PPARGC1A: variants seen among roughly 807,000 people sequenced by gnomAD.
PPARGC1A encodes PPARG coactivator 1 alpha.
In PPARGC1A, 25 loss-of-function variants were observed where a neutral mutation model predicts 88.7. The observed-to-expected ratio is 0.28, with a 90% confidence interval of 0.21 to 0.39. The LOEUF is 0.39. PPARGC1A is among the 10% of genes least tolerant of loss of function. The pLI, the probability that PPARGC1A is intolerant of heterozygous loss-of-function variation, is 1.00. For missense variants in PPARGC1A, 880 were observed against 968.7 expected (o/e 0.91, Z 1.22); for synonymous variants, 363 against 355.6 (o/e 1.02, Z -0.24).
At chr4:24,451,568 TTTGTTG>T in the PPARGC1A span, among the ~76,000 whole-genome samples, 4 of 151,974 alleles carry the variant, frequency 2.6e-5, no homozygotes, top group East Asian at 1.9e-4. Context: ...TGGGTTGTCT[TTTGTTG>T]TTGTTGTTGT....
the PPARGC1A span, among the ~76,000 whole-genome samples, chr4:24,134,473 C>T: frequency 6.6e-5 from 10 of 152,350 alleles, no homozygotes; most frequent in Admixed American, 3.3e-4. Context: ...AATATGTTTG[C>T]GTGTTCGCAA....
chr4:23,813,288 A>T (rs1488357394), intron 8 of PPARGC1A, among the ~76,000 whole-genome samples, 163 bp from the exon 9 acceptor site: 1 of 152,190 alleles, frequency 6.6e-6, no homozygotes, highest in Non-Finnish European at 1.5e-5. Flanking sequence ...CATCTAGTCA[A>T]CTTAGAGGGC....
At chr4:24,319,655 T>C in the PPARGC1A span, among the ~76,000 whole-genome samples, 1 of 152,190 alleles carries the variant, frequency 6.6e-6, no homozygotes, top group Admixed American at 6.5e-5. Flanking sequence ...CCAAGTAGCT[T>C]AGTGAGCTTT....
At chr4:24,119,704 C>T in the PPARGC1A span, among the ~76,000 whole-genome samples, 2 of 151,954 alleles carry the variant, frequency 1.3e-5, no homozygotes, top group Non-Finnish European at 2.9e-5. Context: ...AGGAAAACGG[C>T]AGCAAAAAAT....
At chr4:24,184,294 G>GA in the PPARGC1A span, among the ~76,000 whole-genome samples, 12 of 152,134 alleles carry the variant, frequency 7.9e-5, no homozygotes, top group Admixed American at 3.3e-4. Flanking sequence ...AATTTACTGG[G>GA]AAAAAATATT....
chr4:24,259,955 C>T, the PPARGC1A span, among the ~76,000 whole-genome samples: 1 of 152,088 alleles, frequency 6.6e-6, no homozygotes, highest in African/African-American at 2.4e-5. Context: ...TACCAGGGTG[C>T]GAGTTGGGTG....
the PPARGC1A span, among the ~76,000 whole-genome samples, chr4:24,092,242 C>T: frequency 1.3e-5 from 2 of 152,068 alleles, no homozygotes; most frequent in African/African-American, 2.4e-5. Context: ...CACCGTAGGC[C>T]TCAACCCCTT....
At chr4:24,278,529 AAAAAC>A in the PPARGC1A span, among the ~76,000 whole-genome samples, 6 of 152,210 alleles carry the variant, frequency 3.9e-5, no homozygotes, top group Admixed American at 3.9e-4. Flanking sequence ...ACACACAAGA[AAAAAC>A]AGACAGTGGA....
chr4:23,861,270 G>C (rs779241399), intron 2 of PPARGC1A, among the ~76,000 whole-genome samples: 2 of 152,236 alleles, frequency 1.3e-5, no homozygotes, highest in Non-Finnish European at 2.9e-5. Flanking sequence ...GAATGAACAT[G>C]CTGAAGTGGA....
chr4:24,199,796 G>T, the PPARGC1A span, among the ~76,000 whole-genome samples: 7 of 152,236 alleles, frequency 4.6e-5, no homozygotes, highest in African/African-American at 1.7e-4. Flanking sequence ...CTTTTTGGAA[G>T]ACAATTGATC....
At chr4:23,812,672 A>T in intron 10 of PPARGC1A, 75 bp downstream of exon 10, 2 of 1,592,668 alleles carry the variant, frequency 1.3e-6, no homozygotes, top group South Asian at 1.1e-5. Flanking sequence ...TTATTTTCTA[A>T]TCTATCACCA....
the PPARGC1A span, among the ~76,000 whole-genome samples, chr4:24,355,396 G>A: frequency 6.6e-6 from 1 of 152,186 alleles, no homozygotes; most frequent in Non-Finnish European, 1.5e-5. Context: ...GAAACTCCAT[G>A]CCTTTTATTG....
intron 10 of PPARGC1A, among the ~76,000 whole-genome samples, chr4:23,807,318 A>C (rs934257878): frequency 1.3e-5 from 2 of 152,302 alleles, no homozygotes; most frequent in African/African-American, 4.8e-5. Flanking sequence ...GTAGTCAATA[A>C]ATGCCTACTA....
chr4:24,059,113 C>T, the PPARGC1A span, among the ~76,000 whole-genome samples: 1 of 152,234 alleles, frequency 6.6e-6, no homozygotes, highest in Admixed American at 6.5e-5. Context: ...TTATTTCGAC[C>T]AAGCCCCACC....
At chr4:24,141,559 G>C in the PPARGC1A span, among the ~76,000 whole-genome samples, 1 of 152,212 alleles carries the variant, frequency 6.6e-6, no homozygotes, top group Non-Finnish European at 1.5e-5. Context: ...TGCTTATCAA[G>C]CAAAAGCAGG....
At chr4:23,966,851 T>C in the PPARGC1A span, among the ~76,000 whole-genome samples, 1 of 152,154 alleles carries the variant, frequency 6.6e-6, no homozygotes, top group Non-Finnish European at 1.5e-5. Flanking sequence ...GGTTCAACAT[T>C]CAGAGGAGAG....
chr4:24,122,618 T>C, the PPARGC1A span, among the ~76,000 whole-genome samples: 2 of 152,106 alleles, frequency 1.3e-5, no homozygotes, highest in Non-Finnish European at 1.5e-5. Flanking sequence ...ACAGTGTCCC[T>C]GCTCTCTGAG....
At chr4:24,188,989 C>T in the PPARGC1A span, among the ~76,000 whole-genome samples, 7 of 152,194 alleles carry the variant, frequency 4.6e-5, no homozygotes, top group East Asian at 1.9e-4. Flanking sequence ...TGCTGACACA[C>T]GCTACAACAT....
intron 7 of PPARGC1A, chr4:23,820,365 G>A (rs1722791788): frequency 6.4e-6 from 1 of 155,172 alleles, no homozygotes. Flanking sequence ...CTGTTACAAT[G>A]TTTACAGTAA....
Sources: gnomAD v4.1 joint callset for allele counts (sites outside exome capture counted in the v4.1 genomes callset) on GRCh38, gnomAD v4.1.1 for gene constraint, MANE v1.5 for transcripts, NCBI Gene and HGNC (gene_info 2026-07-23, HGNC 2026-07-21) for gene names.